PRKN: variants seen among roughly 807,000 people sequenced by gnomAD.
The protein encoded by PRKN is parkin RBR E3 ubiquitin protein ligase, also known as E3 ubiquitin-protein ligase parkin.
In PRKN, 56 loss-of-function variants were observed where a neutral mutation model predicts 59.5. That is an observed-to-expected ratio of 0.94 (90% CI 0.76 to 1.18). The LOEUF (loss-of-function observed/expected upper bound fraction) is 1.18. Among genes scored for constraint, PRKN ranks in the 50% most tolerant of loss-of-function variants. PRKN has a pLI of 0.00. For missense variants in PRKN, 657 were observed against 596.4 expected (o/e 1.10, Z -1.06); for synonymous variants, 250 against 222.1 (o/e 1.13, Z -1.12).
chr6:161,900,225 G>T (rs1396418041), intron 6 of PRKN, among the ~76,000 whole-genome samples: 1 of 151,288 alleles, frequency 6.6e-6, no homozygotes, highest in South Asian at 2.1e-4. Flanking sequence ...GGTCTTTCTG[G>T]AACTGATAGC....
intron 5 of PRKN, among the ~76,000 whole-genome samples, chr6:162,020,343 A>C (rs1450205904): frequency 6.6e-5 from 10 of 150,990 alleles, no homozygotes; most frequent in South Asian, 2.1e-4. Context: ...AAAAAAAAAA[A>C]AAAAAAAAAA....
intron 3 of PRKN, 66 bp downstream of exon 3, chr6:162,262,459 G>A (rs756717782): frequency 3.8e-6 from 6 of 1,591,240 alleles, no homozygotes; most frequent in Admixed American, 1.7e-5. Flanking sequence ...GTGAGGCCAT[G>A]CTCCATGCAG....
chr6:161,769,398 A>C (rs9355933), intron 7 of PRKN, among the ~76,000 whole-genome samples: 12 of 152,250 alleles, frequency 7.9e-5, no homozygotes, highest in Admixed American at 3.9e-4. Flanking sequence ...GGGCTGGTCA[A>C]TGAATTGGCA....
chr6:161,775,745 T>C (rs1348625032), intron 7 of PRKN, among the ~76,000 whole-genome samples: 1 of 152,172 alleles, frequency 6.6e-6, no homozygotes, highest in Non-Finnish European at 1.5e-5. Flanking sequence ...ATTTTATGTT[T>C]TGCTCCCTAA....
At chr6:162,689,943 C>T (rs1777710690) in intron 1 of PRKN, among the ~76,000 whole-genome samples, 1 of 152,104 alleles carries the variant, frequency 6.6e-6, no homozygotes, top group South Asian at 2.1e-4. Context: ...CAATTTCAGA[C>T]CCATAGCATA....
intron 9 of PRKN, among the ~76,000 whole-genome samples, chr6:161,443,309 C>CA (rs145832867): frequency 0.03 from 2,367 of 79,872 alleles, 34 homozygotes; most frequent in African/African-American, 0.057. Flanking sequence ...GACTCCGTCT[C>CA]AAAAAAAAAA....
chr6:161,418,517 T>C (rs1329903729), intron 9 of PRKN, among the ~76,000 whole-genome samples: 1 of 152,234 alleles, frequency 6.6e-6, no homozygotes, highest in Non-Finnish European at 1.5e-5. Flanking sequence ...TCTGGGATTA[T>C]ACCCAGCAAA....
Position 161,350,054 on chromosome 6 carries a change from G to T in PRKN, c.*45C>A. ...ATTAGAAAATGAAGGTAGACACTGG[G>T]TATGCTCCCCCAGGATGTGGCGATG... On this transcript the variant is annotated 3_prime_UTR_variant, in exon 12 of 12. Coordinates refer to ENST00000366898, the MANE Select transcript of PRKN (RefSeq NM_004562.3). 8.5e-7 allele frequency: 1 copy of T among 1,175,490 alleles called. No individual in the cohort carries two copies. The highest frequency in any genetic ancestry group is 1.3e-6 in the Non-Finnish European group (1 of 784,444). 72.8% of individuals were successfully genotyped at this position (1,175,490 alleles called of 1,614,324 possible). A position where few individuals can be genotyped will look rare whatever the true frequency, so the allele number is the denominator to read the frequency against.
intron 5 of PRKN, among the ~76,000 whole-genome samples, chr6:162,019,456 T>C (rs7754703): frequency 0.21 from 32,434 of 152,128 alleles, 3,655 homozygotes; most frequent in African/African-American, 0.29. Flanking sequence ...AAAGGCACCG[T>C]TCAAAACAAG....
chr6:161,522,813 C>T (rs1259067578), intron 9 of PRKN, among the ~76,000 whole-genome samples: 1 of 152,150 alleles, frequency 6.6e-6, no homozygotes, highest in African/African-American at 2.4e-5. Context: ...GGGTACTTCC[C>T]TTCTATCTCA....
intron 6 of PRKN, among the ~76,000 whole-genome samples, chr6:161,856,254 G>A (rs979788474): frequency 2.0e-5 from 3 of 152,040 alleles, no homozygotes; most frequent in African/African-American, 4.8e-5. Flanking sequence ...CAGCTGCTCG[G>A]GAAGCTGAGG....
intron 1 of PRKN, among the ~76,000 whole-genome samples, chr6:162,655,491 T>A (rs2128227300): frequency 6.6e-6 from 1 of 152,270 alleles, no homozygotes; most frequent in South Asian, 2.1e-4. Context: ...AATTAGCAAG[T>A]CAGAAAAGCA....
chr6:162,406,734 CAA>C (rs1027015645), intron 2 of PRKN, among the ~76,000 whole-genome samples: 1 of 152,126 alleles, frequency 6.6e-6, no homozygotes, highest in Non-Finnish European at 1.5e-5. Flanking sequence ...AGGTAGGTAG[CAA>C]AGTCAGTGTC....
intron 3 of PRKN, among the ~76,000 whole-genome samples, chr6:162,214,037 G>A (rs909166934): frequency 6.6e-5 from 10 of 152,018 alleles, no homozygotes; most frequent in Non-Finnish European, 2.9e-5. Flanking sequence ...GCTCAATGCT[G>A]TTAGGGAGTG....
intron 5 of PRKN, among the ~76,000 whole-genome samples, chr6:162,016,156 A>T (rs889867963): frequency 6.6e-6 from 1 of 151,362 alleles, no homozygotes; most frequent in Non-Finnish European, 1.5e-5. Flanking sequence ...ATAATAATAA[A>T]AAAAAACTGA....
intron 3 of PRKN, among the ~76,000 whole-genome samples, chr6:162,232,286 C>T (rs1035263636): frequency 1.1e-4 from 17 of 152,076 alleles, no homozygotes; most frequent in Non-Finnish European, 2.4e-4. Context: ...GTGCTCAGGG[C>T]CTTTGCAGCT....
At chr6:162,370,877 C>T (rs950259032) in intron 2 of PRKN, among the ~76,000 whole-genome samples, 1 of 152,134 alleles carries the variant, frequency 6.6e-6, no homozygotes, top group African/African-American at 2.4e-5. Flanking sequence ...TACTGAAAAA[C>T]CAACAGCTTG....
intron 2 of PRKN, among the ~76,000 whole-genome samples, chr6:162,431,100 T>A (rs1789500899): frequency 6.6e-6 from 1 of 151,836 alleles, no homozygotes; most frequent in South Asian, 2.1e-4. Flanking sequence ...GCAGGGAAAC[T>A]CCAAAGTGAC....
intron 4 of PRKN, among the ~76,000 whole-genome samples, chr6:162,198,126 A>T (rs375309449): frequency 6.6e-6 from 1 of 152,240 alleles, no homozygotes; most frequent in Non-Finnish European, 1.5e-5. Flanking sequence ...AGAAGGGTCA[A>T]TGATATGCAG....
Sources: allele counts gnomAD v4.1 joint callset (sites outside exome capture counted in the v4.1 genomes callset), GRCh38; gene constraint gnomAD v4.1.1; transcripts MANE v1.5; gene names NCBI Gene and HGNC (gene_info 2026-07-23, HGNC 2026-07-21).